TRPC3: variants seen among roughly 807,000 people sequenced by gnomAD.
The protein encoded by TRPC3 is transient receptor potential cation channel subfamily C member 3.
TRPC3 carries 54 observed loss-of-function variants against 90.9 expected under a neutral mutation model. The observed-to-expected ratio is 0.59, with a 90% CI of 0.48 to 0.75. The LOEUF is 0.75. TRPC3 is among the 30% of genes least tolerant of loss of function. The probability of loss-of-function intolerance (pLI) is 0.00; values close to 1 mark genes in which losing one functional copy is unlikely to be tolerated. For synonymous variants in TRPC3, 424 were observed against 450.9 expected (o/e 0.94, Z 0.75); for missense variants, 918 against 1,194.5 (o/e 0.77, Z 3.41).
At chr4:121,888,676 CG>C in intron 10 of TRPC3, among the ~76,000 whole-genome samples, 1 of 151,530 alleles carries the variant, frequency 6.6e-6, no homozygotes, top group East Asian at 1.9e-4. Flanking sequence ...GGATTACAGG[CG>C]TGAGCCACCA....
intron 6 of TRPC3, among the ~76,000 whole-genome samples, chr4:121,908,826 G>T (rs1400083780): frequency 6.6e-6 from 1 of 151,972 alleles, no homozygotes; most frequent in African/African-American, 2.4e-5. Context: ...CATGCAATAT[G>T]CTCAGGTAAC....
chr4:121,892,965 A>T (rs1466048118), intron 10 of TRPC3, among the ~76,000 whole-genome samples: 4 of 152,000 alleles, frequency 2.6e-5, no homozygotes, highest in Admixed American at 6.5e-5. Context: ...TACTAAAAAT[A>T]CAAAAGTTAG....
chr4:121,881,685 C>T (rs1048692228), intron 11 of TRPC3, among the ~76,000 whole-genome samples: 4 of 151,802 alleles, frequency 2.6e-5, no homozygotes, highest in Non-Finnish European at 5.9e-5. Flanking sequence ...TTAGTGGCAT[C>T]TCATTGGTGT....
At chr4:121,916,656 C>T (rs1052442612) in intron 3 of TRPC3, among the ~76,000 whole-genome samples, 3 of 152,118 alleles carry the variant, frequency 2.0e-5, no homozygotes, top group Non-Finnish European at 4.4e-5. Flanking sequence ...GAGCCCTCAT[C>T]AGATCTTCAC....
intron 10 of TRPC3, among the ~76,000 whole-genome samples, chr4:121,889,557 C>T (rs1728247742): frequency 1.3e-5 from 2 of 151,994 alleles, no homozygotes; most frequent in African/African-American, 4.8e-5. Flanking sequence ...TGGCTATTAT[C>T]AAACAGACAA....
At chr4:121,934,513 G>C (rs1405366587) in intron 1 of TRPC3, among the ~76,000 whole-genome samples, 1 of 152,138 alleles carries the variant, frequency 6.6e-6, no homozygotes, top group African/African-American at 2.4e-5. Context: ...CCACATTACT[G>C]ACTTTTGAAG....
At position 121,874,826 on chromosome 4, in the gene TRPC3, G is replaced by A. The variant is rs1360611044; in HGVS notation, c.*4910C>T. ...AACAGAAGGAAACTGATCTCAAAAG[G>A]AATAGAAGAAACCACAAAGGAAAAA... On this transcript the variant is annotated 3_prime_UTR_variant, in exon 12 of 12. Coordinates refer to ENST00000379645, the MANE Select transcript of TRPC3 (RefSeq NM_001130698.2). Among the ~76,000 whole-genome samples, 1 of 152,022 alleles carries A rather than the reference G, an allele frequency of 6.6e-6. No individual in the cohort carries two copies. The highest frequency in any genetic ancestry group is 2.4e-5 in the African/African-American group (1 of 41,390).
In TRPC3 at chr4:121,951,705, G is replaced by C. The variant is rs200829702; in HGVS notation, c.-25C>G. 1 of 1,295,256 alleles carries C rather than the reference G, an allele frequency of 7.7e-7. No homozygotes were observed. The highest frequency in any genetic ancestry group is 9.9e-7 in the Non-Finnish European group (1 of 1,011,730). 80.2% of individuals were successfully genotyped at this position (1,295,256 alleles called of 1,614,324 possible). On this transcript the variant is annotated 5_prime_UTR_variant, in exon 1 of 12. Transcript: ENST00000379645. This position sits in a 1 kb window ranked among gnomAD's most constrained non-coding sequence, Gnocchi z 4.4. ...TCGCGCCGGCTGCGGTCCGAGTGTGGGGGTGCCGGCTGCCGGCCTCCTCCG... is the reference window on the plus strand; with the variant it reads ...TCGCGCCGGCTGCGGTCCGAGTGTGCGGGTGCCGGCTGCCGGCCTCCTCCG...
At position 121,932,122 on chromosome 4, in the gene TRPC3, A is replaced by C; in HGVS notation, c.987+149T>G. On this transcript the variant is annotated intron_variant, in intron 2 of 11. Transcript: ENST00000379645. This position sits in a 1 kb window ranked among gnomAD's most constrained non-coding sequence, Gnocchi z 7.7. ...TTGAGAGGGAGAAAGAAAACATTAG[A>C]TGAGGTCTGAATGACGTTCTCAGTC... is the stretch of plus-strand genomic sequence containing the variant. The C allele has an allele frequency of 2.4e-6, 3 of 1,249,734 alleles. No homozygotes were observed. The highest frequency in any genetic ancestry group is 3.3e-6 in the Non-Finnish European group (3 of 921,856). The allele number at this position is 1,249,734 out of a possible 1,614,324, so 77.4% of individuals were successfully genotyped here.
chr4:121,894,264 C>T (rs1477010686), intron 10 of TRPC3, among the ~76,000 whole-genome samples: 1 of 151,924 alleles, frequency 6.6e-6, no homozygotes, highest in Admixed American at 6.6e-5. Context: ...CAAAGAAAGG[C>T]ATTATATAAT....
chr4:121,912,325 G>A (rs1218717887), intron 4 of TRPC3, among the ~76,000 whole-genome samples: 1 of 152,002 alleles, frequency 6.6e-6, no homozygotes, highest in East Asian at 1.9e-4. Context: ...TTTGTCTTAG[G>A]GTAGACTGCA....
chr4:121,930,949 A>G (rs1312563831), intron 2 of TRPC3: 1 of 217,204 alleles, frequency 4.6e-6, no homozygotes, highest in Non-Finnish European at 9.2e-6. Context: ...TCTTCTTTGT[A>G]TTTTCCCTTT....
At chr4:121,945,108 G>A (rs1220621275) in intron 1 of TRPC3, among the ~76,000 whole-genome samples, 3 of 152,152 alleles carry the variant, frequency 2.0e-5, no homozygotes, top group Non-Finnish European at 4.4e-5. Context: ...ATGATTTTAG[G>A]TGGGGAATTC....
intron 5 of TRPC3, among the ~76,000 whole-genome samples, chr4:121,910,631 G>A (rs531325508): frequency 1.3e-5 from 2 of 152,256 alleles, no homozygotes; most frequent in South Asian, 2.1e-4. Flanking sequence ...TCCACATGTG[G>A]CACCAGAGAT....
At position 121,877,981 on chromosome 4, in the gene TRPC3, A is replaced by T. The variant is rs1727815676; in HGVS notation, c.*1755T>A. Among the ~76,000 whole-genome samples the T allele has an allele frequency of 6.6e-6, 1 of 152,166 alleles. No individual in the cohort carries two copies. Among genetic ancestry groups the T allele is most frequent in the African/African-American group, 2.4e-5 (1 of 41,438 alleles). On this transcript the variant is annotated 3_prime_UTR_variant, in exon 12 of 12. Coordinates refer to ENST00000379645, the MANE Select transcript of TRPC3 (RefSeq NM_001130698.2). Reference sequence around the variant, plus strand: ...ATTCAGTTCCATAGCTATAAGCAAAAACTTTTCACACTTGGAATCCTGGAC... The same window carrying T: ...ATTCAGTTCCATAGCTATAAGCAAATACTTTTCACACTTGGAATCCTGGAC...
At chr4:121,919,693 T>C (rs1223900717) in intron 3 of TRPC3, among the ~76,000 whole-genome samples, 1 of 152,232 alleles carries the variant, frequency 6.6e-6, no homozygotes, top group Non-Finnish European at 1.5e-5. Flanking sequence ...CAATGGATGC[T>C]TTTATCCTGT....
chr4:121,896,557 A>G (rs187135189), intron 10 of TRPC3, among the ~76,000 whole-genome samples: 1 of 152,190 alleles, frequency 6.6e-6, no homozygotes, highest in East Asian at 1.9e-4. Flanking sequence ...AGGCAATGCC[A>G]TTTACAATAC....
At chr4:121,893,720 A>T (rs1728412068) in intron 10 of TRPC3, among the ~76,000 whole-genome samples, 1 of 152,166 alleles carries the variant, frequency 6.6e-6, no homozygotes, top group African/African-American at 2.4e-5. Flanking sequence ...ATAACCTGGT[A>T]AAAAACATTC....
chr4:121,907,267 C>A, intron 7 of TRPC3, 36 bp downstream of exon 7: 2 of 1,536,160 alleles, frequency 1.3e-6, no homozygotes, highest in South Asian at 2.6e-5. Flanking sequence ...TAGAATTTCT[C>A]TTTATCATAC....
Sources: allele counts gnomAD v4.1 joint callset (sites outside exome capture counted in the v4.1 genomes callset), GRCh38; gene constraint gnomAD v4.1.1; non-coding constraint Gnocchi (gnomAD v3.1); transcripts MANE v1.5; gene names NCBI Gene and HGNC (gene_info 2026-07-23, HGNC 2026-07-21).